SEPTIN9: variants seen among roughly 807,000 people sequenced by gnomAD.
SEPTIN9 encodes septin-9.
In SEPTIN9, 13 loss-of-function variants were observed where a neutral mutation model predicts 56.6. The ratio of observed to expected loss-of-function variants is 0.23; its 90% confidence interval spans 0.15 to 0.37. The LOEUF is 0.37. SEPTIN9 is among the 10% of genes least tolerant of loss of function. SEPTIN9 has a pLI of 1.00. For missense variants in SEPTIN9, 650 were observed against 823.1 expected, an observed-to-expected ratio of 0.79 and a Z score of 2.57; for synonymous variants, 332 against 334.1, an observed-to-expected ratio of 0.99 and a Z score of 0.07.
intron 3 of SEPTIN9, among the ~76,000 whole-genome samples, chr17:77,407,247 C>T (rs1349583438): frequency 7.3e-6 from 1 of 136,620 alleles, no homozygotes; most frequent in African/African-American, 2.7e-5. Flanking sequence ...TGTGCCACTG[C>T]ACTCCAGCCT....
chr17:77,318,638 G>A lies in SEPTIN9; in HGVS notation c.76+11441G>A, dbSNP rs952479614. 1.3e-5 allele frequency among the ~76,000 whole-genome samples: 2 copies of A among 152,196 alleles called. No homozygotes were observed. Among genetic ancestry groups the A allele is most frequent in the African/African-American group, 2.4e-5 (1 of 41,530 alleles). On this transcript the variant is annotated intron_variant, in intron 2 of 11. Coordinates refer to ENST00000427177, the MANE Select transcript of SEPTIN9 (RefSeq NM_001113491.2). The surrounding 1 kb of genome is among the most constrained non-coding windows in gnomAD (Gnocchi z 4.9). ...CCTCCAGGCTCTTTGGGAGGAGGTG[G>A]TTGCTTGATGTCTCCCAGAAGGCTG... is the stretch of plus-strand genomic sequence containing the variant.
At chr17:77,325,628 G>T (rs1340206560) in intron 2 of SEPTIN9, among the ~76,000 whole-genome samples, 1 of 152,216 alleles carries the variant, frequency 6.6e-6, no homozygotes, top group Admixed American at 6.5e-5. Context: ...CCCGGCCTGC[G>T]TGTGAGACCA....
At position 77,499,562 on chromosome 17, in the gene SEPTIN9, G is replaced by A. The variant is rs1568129606; in HGVS notation, c.*904G>A. On this transcript the variant is annotated 3_prime_UTR_variant, in exon 12 of 12. Coordinates refer to ENST00000427177, the MANE Select transcript of SEPTIN9 (RefSeq NM_001113491.2). ...GGAAGGTGCCAGAAGGAAGGTTGGC[G>A]GGGGCACGTGTGGGCCGTGGCTTGG... 1.3e-5 allele frequency: 6 copies of A among 453,354 alleles called. No homozygotes were observed. Among genetic ancestry groups the A allele is most frequent in the East Asian group, 4.0e-5 (1 of 25,068 alleles). The allele number at this position is 453,354 out of a possible 1,614,324, so 28.1% of individuals were successfully genotyped here. A position where few individuals can be genotyped will look rare whatever the true frequency, so the allele number is the denominator to read the frequency against.
intron 3 of SEPTIN9, among the ~76,000 whole-genome samples, chr17:77,420,760 C>T (rs1280029934): frequency 6.6e-6 from 1 of 152,176 alleles, no homozygotes; most frequent in Non-Finnish European, 1.5e-5. Context: ...TTTCCTGGTC[C>T]TTCTGGGTCT....
chr17:77,451,667 C>A lies in SEPTIN9; in HGVS notation c.722-30477C>A. The A allele has an allele frequency of 1.7e-6, 1 of 605,616 alleles. No homozygotes were observed. The highest frequency in any genetic ancestry group is 2.1e-6 in the Non-Finnish European group (1 of 482,832). 37.5% of individuals were successfully genotyped at this position (605,616 alleles called of 1,614,324 possible). A position where few individuals can be genotyped will look rare whatever the true frequency, so the allele number is the denominator to read the frequency against. ...CTGTCCCTGGGCCCCGGCCCGAGGC[C>A]GGCAGGACCGAGCGGGGTCCCCAGG... On this transcript the variant is annotated intron_variant, in intron 3 of 11. Transcript: ENST00000427177. This position sits in a 1 kb window ranked among gnomAD's most constrained non-coding sequence, Gnocchi z 4.2.
At position 77,475,305 on chromosome 17, in the gene SEPTIN9, G is replaced by A; in HGVS notation, c.722-6839G>A. The A allele has an allele frequency of 7.0e-7, 1 of 1,422,364 alleles. No individual in the cohort carries two copies. The highest frequency in any genetic ancestry group is 1.6e-5 in the South Asian group (1 of 64,312). 88.1% of individuals were successfully genotyped at this position (1,422,364 alleles called of 1,614,324 possible). On this transcript the variant is annotated intron_variant, in intron 3 of 11. Coordinates refer to ENST00000427177, the MANE Select transcript of SEPTIN9 (RefSeq NM_001113491.2). This position sits in a 1 kb window ranked among gnomAD's most constrained non-coding sequence, Gnocchi z 4.6. ...CAGGCTCTGTGTGGGAGCGGGGAGG[G>A]CAAGCCCTGGTTGCGAGGCAGGGCT...
chr17:77,455,973 G>C lies in SEPTIN9; in HGVS notation c.722-26171G>C, dbSNP rs532393333. 7.7e-3 allele frequency among the ~76,000 whole-genome samples: 1,175 copies of C among 152,306 alleles called. 4 individuals are homozygous for C. The highest frequency in any genetic ancestry group is 0.011 in the Non-Finnish European group (754 of 68,024). ...CGGGGATTTGAACACGATCTCCCCC[G>C]GGGCAGGGGACTGCCCTGGAAGATT... On this transcript the variant is annotated intron_variant, in intron 3 of 11. Coordinates refer to ENST00000427177, the MANE Select transcript of SEPTIN9 (RefSeq NM_001113491.2).
chr17:77,302,919 C>G (rs1349654661), intron 1 of SEPTIN9, among the ~76,000 whole-genome samples: 2 of 152,078 alleles, frequency 1.3e-5, no homozygotes, highest in Non-Finnish European at 2.9e-5. Flanking sequence ...GCTCTTTCTG[C>G]CTAGGCTCAC....
intron 6 of SEPTIN9, 81 bp from the exon 7 acceptor site, chr17:77,488,646 G>T: frequency 6.3e-7 from 1 of 1,577,904 alleles, no homozygotes. Flanking sequence ...TGGGGTGTTG[G>T]GCTCTGAGTC....
At chr17:77,316,716 T>C (rs1212770133) in intron 2 of SEPTIN9, among the ~76,000 whole-genome samples, 2 of 139,354 alleles carry the variant, frequency 1.4e-5, no homozygotes, top group African/African-American at 5.3e-5. Flanking sequence ...TTTTTTTTTT[T>C]TTTAATTTGA....
Position 77,476,171 on chromosome 17 carries a change from G to A in SEPTIN9, c.722-5973G>A, listed in dbSNP as rs375627782. ...CGTAGACCAGGCAGCATGACACACAGGGAGGGGTAGGCAGAGAAGGGCGGC... is the reference window on the plus strand; with the variant it reads ...CGTAGACCAGGCAGCATGACACACAAGGAGGGGTAGGCAGAGAAGGGCGGC... On this transcript the variant is annotated intron_variant, in intron 3 of 11. Coordinates refer to ENST00000427177, the MANE Select transcript of SEPTIN9 (RefSeq NM_001113491.2). The surrounding 1 kb of genome is among the most constrained non-coding windows in gnomAD (Gnocchi z 6.0). 5.5e-4 allele frequency among the ~76,000 whole-genome samples: 84 copies of A among 152,314 alleles called. 1 individual carries two copies. Among genetic ancestry groups the A allele is most frequent in the African/African-American group, 1.6e-3 (67 of 41,552 alleles).
In SEPTIN9 at chr17:77,498,667, C is replaced by A; in HGVS notation, c.*9C>A. ...AAGCCCCGGAGATGTAGACGCCACC[C>A]TGCCCACCCCCGGGATCCTGCCCCC... is the stretch of plus-strand genomic sequence containing the variant. On this transcript the variant is annotated 3_prime_UTR_variant, in exon 12 of 12. Transcript: ENST00000427177. 6.3e-7 allele frequency: 1 copy of A among 1,586,498 alleles called. No individual in the cohort carries two copies. The highest frequency in any genetic ancestry group is 1.1e-5 in the South Asian group (1 of 88,826).
At position 77,402,502 on chromosome 17, in the gene SEPTIN9, G is replaced by A. The variant is rs753324081; in HGVS notation, c.520G>A (p.Glu174Lys). Residue 174 changes from glutamate (E) to lysine (K), a missense_variant, in exon 3 of 12, where the codon GAG (glutamate) becomes AAG (lysine). Glu to Lys is a moderately conservative substitution (Grantham distance 56). This residue lies in a region of SEPTIN9 where 317 missense variants were observed against 329.1 expected (regional missense o/e 0.96). Coordinates refer to ENST00000427177, the MANE Select transcript of SEPTIN9 (RefSeq NM_001113491.2). This position sits in a 1 kb window ranked among gnomAD's most constrained non-coding sequence, Gnocchi z 6.6. ...GGAGCCCCCTGCCTCCAAGGTCCCC[G>A]AGGTGCCCACTGCCCCTGCCACCGA... ...RMEPPASKVP[E>K]VPTAPATDAA... 6 of 1,603,632 alleles carry A rather than the reference G, an allele frequency of 3.7e-6. No homozygotes were observed. Among genetic ancestry groups the A allele is most frequent in the Middle Eastern group, 1.6e-4 (1 of 6,074 alleles).
At chr17:77,496,784 C>CTG (rs1326202085) in intron 10 of SEPTIN9, among the ~76,000 whole-genome samples, 3 of 152,210 alleles carry the variant, frequency 2.0e-5, no homozygotes, top group Non-Finnish European at 4.4e-5. Context: ...GTGTGTGTCC[C>CTG]TGTGTGTGTG....
At position 77,433,403 on chromosome 17, in the gene SEPTIN9, C is replaced by T. The variant is rs370692872; in HGVS notation, c.721+30700C>T. Among the ~76,000 whole-genome samples, 14 of 151,850 alleles carry T rather than the reference C, an allele frequency of 9.2e-5. 1 individual carries two copies. In the South Asian group the frequency reaches 1.7e-3, roughly 18 times the overall value. On this transcript the variant is annotated intron_variant, in intron 3 of 11. Transcript: ENST00000427177. This position sits in a 1 kb window ranked among gnomAD's most constrained non-coding sequence, Gnocchi z 6.4. ...TGGGGCTGGGTGCGAGGACCCCCCC[C>T]GGCCAACAGGGTCTGCTTAGGTGTC...
Position 77,319,408 on chromosome 17 carries a change from C to T in SEPTIN9, c.76+12211C>T, listed in dbSNP as rs1444192833. The T allele has an allele frequency of 5.4e-6, 2 of 368,260 alleles. No individual in the cohort carries two copies. Among genetic ancestry groups the T allele is most frequent in the Admixed American group, 6.2e-5 (1 of 16,174 alleles). 22.8% of individuals were successfully genotyped at this position (368,260 alleles called of 1,614,324 possible). On this transcript the variant is annotated intron_variant, in intron 2 of 11. Transcript: ENST00000427177. The surrounding 1 kb of genome is among the most constrained non-coding windows in gnomAD (Gnocchi z 5.3). ...GAGTTCCCGGAGAGGAAGACTCGCTCCCTCCCAGGGGACGGCTAGAGACTC... is the reference window on the plus strand; with the variant it reads ...GAGTTCCCGGAGAGGAAGACTCGCTTCCTCCCAGGGGACGGCTAGAGACTC...
rs2035953243 is a variant in SEPTIN9 at position 77,402,917 on chromosome 17, G to A, written c.721+214G>A. 6.6e-6 allele frequency among the ~76,000 whole-genome samples: 1 copy of A among 152,186 alleles called. No individual in the cohort carries two copies. The highest frequency in any genetic ancestry group is 2.4e-5 in the African/African-American group (1 of 41,436). On this transcript the variant is annotated intron_variant, in intron 3 of 11. Transcript: ENST00000427177. The surrounding 1 kb of genome is among the most constrained non-coding windows in gnomAD (Gnocchi z 6.6). ...GGAACATGCCAAGATGCCCCAAGCG[G>A]GACTTGAATGAGAGTTTGGAAAGAT...
At chr17:77,480,702 C>T (rs1466825460) in intron 3 of SEPTIN9, among the ~76,000 whole-genome samples, 5 of 152,208 alleles carry the variant, frequency 3.3e-5, no homozygotes, top group Non-Finnish European at 5.9e-5. Context: ...GCTGGGTGCC[C>T]ACCGGTCCCA....
In SEPTIN9 at chr17:77,482,213, C is replaced by A. The variant is rs745391514; in HGVS notation, c.791C>A (p.Ala264Glu). 6.2e-7 allele frequency: 1 copy of A among 1,612,130 alleles called. No homozygotes were observed. Among genetic ancestry groups the A allele is most frequent in the Admixed American group, 1.7e-5 (1 of 59,900 alleles). Residue 264 changes from alanine to glutamate, a missense_variant, in exon 4 of 12, where the codon GCG (alanine) becomes GAG (glutamate). This residue lies in a region of SEPTIN9 where 333 missense variants were observed against 494.0 expected (regional missense o/e 0.67). Transcript: ENST00000427177. ...CCCAGAGATGCCGGGCTCAAGCAGG[C>A]GCCTGCATCACGGAACGAGAAGGCC... is the stretch of plus-strand genomic sequence containing the variant. ...DTPRDAGLKQ[A>E]PASRNEKAPV...
Sources: allele counts gnomAD v4.1 joint callset (sites outside exome capture counted in the v4.1 genomes callset), GRCh38; gene constraint gnomAD v4.1.1; regional missense constraint gnomAD v4.1.1; non-coding constraint Gnocchi (gnomAD v3.1); transcripts MANE v1.5; gene names NCBI Gene and HGNC (gene_info 2026-07-23, HGNC 2026-07-21).